TVP23A: variants seen among roughly 807,000 people sequenced by gnomAD.
TVP23A encodes the protein trans-golgi network vesicle protein 23 homolog A.
TVP23A carries 21 observed loss-of-function variants against 31.7 expected under a neutral mutation model. That is an observed-to-expected ratio of 0.66 (90% CI 0.47 to 0.95). The LOEUF (loss-of-function observed/expected upper bound fraction) is 0.95, where lower values mean the gene tolerates loss of function less well. TVP23A is among the 40% of genes least tolerant of loss of function. TVP23A has a pLI of 0.00. For missense variants in TVP23A, 279 were observed against 255.6 expected, an observed-to-expected ratio of 1.09 and a Z score of -0.62; for synonymous variants, 104 against 96.0, an observed-to-expected ratio of 1.08 and a Z score of -0.49.
In TVP23A at chr16:10,777,619, A is replaced by G. The variant is rs1443507380; in HGVS notation, c.90-2523T>C. On this transcript the variant is annotated intron_variant, in intron 2 of 7. Transcript: ENST00000299866. The surrounding 1 kb of genome is among the most constrained non-coding windows in gnomAD (Gnocchi z 4.5). ...TTTTTTGCGTAGCAAAGCACCAACTATTCACCAGGATGGGTCTCATCTGAG... is the reference window on the plus strand; with the variant it reads ...TTTTTTGCGTAGCAAAGCACCAACTGTTCACCAGGATGGGTCTCATCTGAG... Among the ~76,000 whole-genome samples the G allele has an allele frequency of 6.6e-6, 1 of 152,198 alleles. No homozygotes were observed. Among genetic ancestry groups the G allele is most frequent in the African/African-American group, 2.4e-5 (1 of 41,448 alleles).
chr16:10,761,405 C>A (rs780130696), exon 9 of TVP23A: 10 of 1,614,122 alleles, frequency 6.2e-6, no homozygotes, highest in Non-Finnish European at 8.5e-6. Flanking sequence ...TCAACTTCTG[C>A]CGCAAGGTGA....
At chr16:10,769,164 TCCAG>T in intron 7 of TVP23A, 63 bp from the exon 8 acceptor site, 1 of 1,544,332 alleles carries the variant, frequency 6.5e-7, no homozygotes, top group Non-Finnish European at 8.9e-7. Context: ...GGGCAGCACA[TCCAG>T]CCAGACCCGA....
intron 2 of TVP23A, among the ~76,000 whole-genome samples, chr16:10,798,174 T>C (rs1333493766): frequency 2.6e-5 from 4 of 152,132 alleles, no homozygotes; most frequent in South Asian, 2.1e-4. Flanking sequence ...TTAGCCAGGA[T>C]GGTCTCGATC....
intron 2 of TVP23A, among the ~76,000 whole-genome samples, chr16:10,811,831 G>C (rs2034214389): frequency 6.7e-6 from 1 of 148,362 alleles, no homozygotes. Flanking sequence ...GTGAACCCGG[G>C]AAGTGGAGCT....
downstream of TVP23A, chr16:10,760,972 G>A (rs1415083611): frequency 5.1e-6 from 1 of 194,240 alleles, no homozygotes; most frequent in African/African-American, 2.3e-5. Flanking sequence ...GAAGGCCCCA[G>A]GAAACTTAAC....
intron 2 of TVP23A, among the ~76,000 whole-genome samples, chr16:10,812,165 C>T (rs995200567): frequency 6.6e-6 from 1 of 151,030 alleles, no homozygotes; most frequent in Non-Finnish European, 1.5e-5. Context: ...TCAGCAGCAT[C>T]ATTAACCATT....
chr16:10,776,061 T>C (rs2031995479), intron 2 of TVP23A, among the ~76,000 whole-genome samples: 1 of 142,084 alleles, frequency 7.0e-6, no homozygotes, highest in African/African-American at 2.6e-5. Flanking sequence ...ATTTTTTTTA[T>C]TATTATTATT....
At position 10,808,669 on chromosome 16, in the gene TVP23A, G is replaced by A. The variant is rs554241363; in HGVS notation, c.89+9434C>T. On this transcript the variant is annotated intron_variant, in intron 2 of 7. Coordinates refer to ENST00000299866, the MANE Select transcript of TVP23A (RefSeq NM_001079512.4). ...GTGCATGCTTGTATTCCCAGCTACT[G>A]AGGAGGCTGAGAAGGGAGGATTGCT... 3.3e-4 allele frequency: 125 copies of A among 382,640 alleles called. 1 individual carries two copies. Among genetic ancestry groups the A allele is most frequent in the South Asian group, 1.3e-3 (68 of 52,186 alleles). 23.7% of individuals were successfully genotyped at this position (382,640 alleles called of 1,614,324 possible). A position where few individuals can be genotyped will look rare whatever the true frequency, so the allele number is the denominator to read the frequency against.
At chr16:10,814,119 G>C (rs1056234975) in intron 2 of TVP23A, among the ~76,000 whole-genome samples, 9 of 151,946 alleles carry the variant, frequency 5.9e-5, no homozygotes, top group South Asian at 4.2e-4. Context: ...GAATCAATGG[G>C]GTGCTATTTT....
At chr16:10,800,537 G>T (rs2033646109) in intron 2 of TVP23A, among the ~76,000 whole-genome samples, 1 of 152,134 alleles carries the variant, frequency 6.6e-6, no homozygotes, top group African/African-American at 2.4e-5. Context: ...GGACATCAGT[G>T]GTAAACCCTA....
Position 10,818,565 on chromosome 16 carries a change from G to T in TVP23A, c.-72C>A. 1 of 1,553,238 alleles carries T rather than the reference G, an allele frequency of 6.4e-7. No individual in the cohort carries two copies. The highest frequency in any genetic ancestry group is 8.6e-7 in the Non-Finnish European group (1 of 1,156,790). ...CCGCCCGTCGCCGCTGAAGGGGTCG[G>T]ACGCCGGGCGGGCGGATGTAGGCAG... On this transcript the variant is annotated 5_prime_UTR_variant, in exon 1 of 8. Coordinates refer to ENST00000299866, the MANE Select transcript of TVP23A (RefSeq NM_001079512.4). The surrounding 1 kb of genome is among the most constrained non-coding windows in gnomAD (Gnocchi z 4.7).
In TVP23A at chr16:10,768,193, G is replaced by A. The variant is rs1180423883; in HGVS notation, c.*909C>T. The A allele has an allele frequency of 5.3e-6, 3 of 564,406 alleles. No homozygotes were observed. The highest frequency in any genetic ancestry group is 6.2e-6 in the Non-Finnish European group (2 of 320,394). 35.0% of individuals were successfully genotyped at this position (564,406 alleles called of 1,614,324 possible). ...AGGAGTCCATGAGAAATCTCTCAAT[G>A]TGTGAGTATTGTGAATTAATTCATA... On this transcript the variant is annotated 3_prime_UTR_variant, in exon 8 of 8. Transcript: ENST00000299866. The surrounding 1 kb of genome is among the most constrained non-coding windows in gnomAD (Gnocchi z 4.3).
intron 2 of TVP23A, among the ~76,000 whole-genome samples, chr16:10,793,373 G>C (rs971494147): frequency 6.6e-6 from 1 of 152,184 alleles, no homozygotes; most frequent in African/African-American, 2.4e-5. Context: ...GACAAGTTGG[G>C]GGGGTGCCTC....
chr16:10,763,261 C>T (rs923305689), downstream of TVP23A, among the ~76,000 whole-genome samples: 1 of 151,878 alleles, frequency 6.6e-6, no homozygotes, highest in African/African-American at 2.4e-5. Context: ...GTTTTGAAGC[C>T]ACAGGACATG....
intron 6 of TVP23A, 132 bp downstream of exon 6, chr16:10,771,538 A>G (rs1267401777): frequency 2.8e-5 from 35 of 1,256,030 alleles, no homozygotes; most frequent in Non-Finnish European, 3.8e-5. Flanking sequence ...CTGTCTCCCA[A>G]AAAATATATA....
intron 2 of TVP23A, chr16:10,808,521 G>C (rs891241773): frequency 1.8e-5 from 8 of 455,068 alleles, no homozygotes; most frequent in Non-Finnish European, 3.5e-5. Context: ...AGCAGGCTGG[G>C]TGCAGTGGCT....
At position 10,768,036 on chromosome 16, in the gene TVP23A, A is replaced by G. The variant is rs1321206361; in HGVS notation, c.*1066T>C. 6.2e-7 allele frequency: 1 copy of G among 1,613,768 alleles called. No homozygotes were observed. The highest frequency in any genetic ancestry group is 8.5e-7 in the Non-Finnish European group (1 of 1,179,754). On this transcript the variant is annotated 3_prime_UTR_variant, in exon 8 of 8. Transcript: ENST00000299866. This position sits in a 1 kb window ranked among gnomAD's most constrained non-coding sequence, Gnocchi z 4.3. ...GCCTACAGAAGTATAATTCAGAGTA[A>G]GTATTTCCATGAGTACTAAATGCAG...
In TVP23A at chr16:10,779,715, G is replaced by T. The variant is rs932042326; in HGVS notation, c.90-4619C>A. Among the ~76,000 whole-genome samples, 2 of 152,200 alleles carry T rather than the reference G, an allele frequency of 1.3e-5. No homozygotes were observed. Among genetic ancestry groups the T allele is most frequent in the African/African-American group, 4.8e-5 (2 of 41,454 alleles). On this transcript the variant is annotated intron_variant, in intron 2 of 7. Coordinates refer to ENST00000299866, the MANE Select transcript of TVP23A (RefSeq NM_001079512.4). This position sits in a 1 kb window ranked among gnomAD's most constrained non-coding sequence, Gnocchi z 4.9. ...GAGAAGACCTAGAAAATATCGCCAG[G>T]CCAACTTAAAATTACCAAGTTTTCC...
chr16:10,797,363 T>C (rs1437755119), intron 2 of TVP23A, among the ~76,000 whole-genome samples: 1 of 149,782 alleles, frequency 6.7e-6, no homozygotes, highest in Non-Finnish European at 1.5e-5. Context: ...AGAAACCTCA[T>C]CTCTAATAAA....
Sources: allele counts gnomAD v4.1 joint callset (sites outside exome capture counted in the v4.1 genomes callset), GRCh38; gene constraint gnomAD v4.1.1; non-coding constraint Gnocchi (gnomAD v3.1); transcripts MANE v1.5; gene names NCBI Gene and HGNC (gene_info 2026-07-23, HGNC 2026-07-21).